Variants in GRB2 observed in about 807,000 individuals in gnomAD.
GRB2 encodes the protein growth factor receptor bound protein 2.
In GRB2, 2 loss-of-function variants were observed where a neutral mutation model predicts 27.4. The observed-to-expected ratio is 0.07, with a 90% CI of 0.03 to 0.23. GRB2 has a LOEUF of 0.23. Among genes scored for constraint, GRB2 ranks in the 10% least tolerant of loss-of-function variants. The probability of loss-of-function intolerance (pLI) is 1.00; values close to 1 mark genes in which losing one functional copy is unlikely to be tolerated. For synonymous variants in GRB2, 94 were observed against 99.6 expected, an observed-to-expected ratio of 0.94 and a Z score of 0.33; for missense variants, 102 against 282.4, an observed-to-expected ratio of 0.36 and a Z score of 4.58.
intron 2 of GRB2, among the ~76,000 whole-genome samples, chr17:75,370,307 G>A (rs995832951): frequency 1.3e-5 from 2 of 152,172 alleles, no homozygotes; most frequent in African/African-American, 2.4e-5. Flanking sequence ...GTCAGTTGAT[G>A]AAAAAAATTT....
chr17:75,399,373 T>C (rs1340082304), intron 1 of GRB2, among the ~76,000 whole-genome samples: 3 of 149,402 alleles, frequency 2.0e-5, no homozygotes, highest in South Asian at 4.3e-4. Context: ...TTTTCTTTTT[T>C]TTTTTTTTTT....
At chr17:75,349,964 C>T (rs1206570798) in intron 2 of GRB2, among the ~76,000 whole-genome samples, 3 of 151,466 alleles carry the variant, frequency 2.0e-5, no homozygotes, top group Admixed American at 6.6e-5. Context: ...AAAAGTAATT[C>T]GACTGTATGT....
At chr17:75,352,173 G>A (rs898549602) in intron 2 of GRB2, among the ~76,000 whole-genome samples, 2 of 152,156 alleles carry the variant, frequency 1.3e-5, no homozygotes, top group Admixed American at 6.5e-5. Context: ...AGCTCAGGAG[G>A]AGCAGGTTCA....
chr17:75,379,719 T>C (rs2078915841), intron 2 of GRB2, among the ~76,000 whole-genome samples: 1 of 152,174 alleles, frequency 6.6e-6, no homozygotes, highest in South Asian at 2.1e-4. Flanking sequence ...GCATGATAGA[T>C]AGCTAAAAAC....
chr17:75,351,548 G>A (rs1171403412), intron 2 of GRB2, among the ~76,000 whole-genome samples: 1 of 152,078 alleles, frequency 6.6e-6, no homozygotes, highest in African/African-American at 2.4e-5. Flanking sequence ...CAGCTACTCT[G>A]AGACTACAGT....
Position 75,325,947 on chromosome 17 carries a change from G to C in GRB2, c.250C>G (p.Leu84Val). The change falls in exon 4 of 6, where the codon CTT becomes GTT. Residue 84 changes from leucine to valine, a missense_variant. Leu to Val is a conservative substitution (Grantham distance 32). Transcript: ENST00000316804. ...GGAGCGCTCTCACTCTCTCGGATAA[G>C]AAAGGCCCCATCGTGCCGCTGTTTG... ...LSKQRHDGAF[L>V]IRESESAPGD... 1 of 1,614,050 alleles carries C rather than the reference G, an allele frequency of 6.2e-7. No homozygotes were observed. Among genetic ancestry groups the C allele is most frequent in the African/African-American group, 1.3e-5 (1 of 75,044 alleles).
intron 2 of GRB2, among the ~76,000 whole-genome samples, chr17:75,345,769 C>T (rs577415581): frequency 4.0e-5 from 6 of 151,846 alleles, no homozygotes; most frequent in East Asian, 3.9e-4. Context: ...ATACAAACTG[C>T]AAATGTGGAT....
chr17:75,322,194 G>C (rs1184070905), intron 4 of GRB2, among the ~76,000 whole-genome samples: 2 of 152,156 alleles, frequency 1.3e-5, no homozygotes, highest in Non-Finnish European at 2.9e-5. Flanking sequence ...CCAACATGGA[G>C]AAATCCCATC....
intron 1 of GRB2, among the ~76,000 whole-genome samples, chr17:75,398,408 G>A (rs1343594951): frequency 6.6e-6 from 1 of 151,794 alleles, no homozygotes; most frequent in African/African-American, 2.4e-5. Flanking sequence ...GGGGACTACA[G>A]GCACCAGCCA....
intron 4 of GRB2, among the ~76,000 whole-genome samples, chr17:75,322,699 T>C (rs911529901): frequency 6.6e-6 from 1 of 152,120 alleles, no homozygotes; most frequent in Admixed American, 6.6e-5. Flanking sequence ...CCTTTTATAC[T>C]GGCAAGCAAA....
intron 2 of GRB2, among the ~76,000 whole-genome samples, chr17:75,347,177 G>A (rs114751573): frequency 0.01 from 1,537 of 152,108 alleles, 28 homozygotes; most frequent in African/African-American, 0.035. Flanking sequence ...GAGAAACTTC[G>A]CCCACACTGA....
chr17:75,377,807 TG>T (rs1226548318), intron 2 of GRB2, among the ~76,000 whole-genome samples: 2 of 151,858 alleles, frequency 1.3e-5, no homozygotes, highest in Non-Finnish European at 2.9e-5. Flanking sequence ...CTAGGGAGGC[TG>T]AGGTGGTAGA....
intron 2 of GRB2, among the ~76,000 whole-genome samples, chr17:75,351,167 G>A (rs2078689989): frequency 6.6e-6 from 1 of 152,086 alleles, no homozygotes; most frequent in South Asian, 2.1e-4. Flanking sequence ...GCTTCTGACT[G>A]TTTTGAAGAG....
At chr17:75,399,616 T>G (rs929266370) in intron 1 of GRB2, among the ~76,000 whole-genome samples, 2 of 152,032 alleles carry the variant, frequency 1.3e-5, no homozygotes, top group African/African-American at 2.4e-5. Context: ...TCCACCCGCC[T>G]TGGCCTCCCA....
intron 2 of GRB2, among the ~76,000 whole-genome samples, chr17:75,392,645 A>C (rs1326439674): frequency 1.3e-5 from 2 of 152,210 alleles, no homozygotes; most frequent in African/African-American, 4.8e-5. Context: ...AGAAGGAAAA[A>C]TGTCAAAACT....
At chr17:75,349,508 C>CT (rs36010389) in intron 2 of GRB2, among the ~76,000 whole-genome samples, 2,346 of 115,892 alleles carry the variant, frequency 0.02, 92 homozygotes, top group African/African-American at 0.039. Context: ...ATAACTCAGA[C>CT]TTTTTTTTTT....
At chr17:75,400,785 G>C (rs1416616283) in intron 1 of GRB2, among the ~76,000 whole-genome samples, 1 of 152,142 alleles carries the variant, frequency 6.6e-6, no homozygotes, top group Non-Finnish European at 1.5e-5. Context: ...AGGGTGACAG[G>C]CGTGAGCTAC....
chr17:75,373,798 A>ATTTTTTT (rs567872973), intron 2 of GRB2: 2 of 72,870 alleles, frequency 2.7e-5, no homozygotes, highest in South Asian at 6.4e-4. Context: ...AGGTACTGGT[A>ATTTTTTT]TTTTTTTTTT....
At position 75,320,488 on chromosome 17, in the gene GRB2, G is replaced by C; in HGVS notation, c.534C>G (p.Arg178=). 1 of 1,613,966 alleles carries C rather than the reference G, an allele frequency of 6.2e-7. No homozygotes were observed. The highest frequency in any genetic ancestry group is 8.5e-7 in the Non-Finnish European group (1 of 1,179,874). ...DPQEDGELGF[R]RGDFIHVMDN... Reference sequence around the variant, plus strand: ...CCATGACATGGATAAAATCTCCCCGGCGGAAGCCCAGCTCTCCATCCTCCT... The same window carrying C: ...CCATGACATGGATAAAATCTCCCCGCCGGAAGCCCAGCTCTCCATCCTCCT... The change falls in exon 6 of 6, where the codon CGC becomes CGG. Residue 178 remains arginine, a synonymous_variant. Coordinates refer to ENST00000316804, the MANE Select transcript of GRB2 (RefSeq NM_002086.5). The surrounding 1 kb of genome is among the most constrained non-coding windows in gnomAD (Gnocchi z 4.3).
Sources: allele counts gnomAD v4.1 joint callset (sites outside exome capture counted in the v4.1 genomes callset), GRCh38; gene constraint gnomAD v4.1.1; non-coding constraint Gnocchi (gnomAD v3.1); transcripts MANE v1.5; gene names NCBI Gene and HGNC (gene_info 2026-07-23, HGNC 2026-07-21).